The following DNAH17 variants were observed in gnomAD, a reference collection of about 807,000 sequenced individuals.
DNAH17 encodes axonemal beta dynein heavy chain 17.
Under a neutral mutation model 485.6 loss-of-function variants are expected in DNAH17, and 376 were observed. The observed-to-expected ratio is 0.77, with a 90% CI of 0.71 to 0.84. DNAH17 has a LOEUF of 0.84. Among genes scored for constraint, DNAH17 ranks in the 40% least tolerant of loss-of-function variants. The pLI is 0.00. For missense variants in DNAH17, 6,370 were observed against 5,839.3 expected, an observed-to-expected ratio of 1.09 and a Z score of -2.96; for synonymous variants, 3,031 against 2,405.9, an observed-to-expected ratio of 1.26 and a Z score of -7.60.
chr17:78,460,279 G>A (rs769105926), intron 58 of DNAH17, 22 bp from the exon 59 acceptor site: 3 of 1,566,944 alleles, frequency 1.9e-6, no homozygotes, highest in Admixed American at 3.7e-5. Context: ...ATGGACAGGA[G>A]AGGTTACTGC....
Position 78,539,848 on chromosome 17 carries a change from C to G in DNAH17, c.2565G>C (p.Leu855=), listed in dbSNP as rs2091473995. ...ENAELFRADT[L]SLPWKDYVIY... ...TGACATAATCCTTCCAGGGCAGGCT[C>G]AGTGTGTCTGCCCTGAATAGTTCTG... The change falls in exon 18 of 81, where the codon CTG becomes CTC. Residue 855 remains leucine, a synonymous_variant. Transcript: ENST00000389840. The G allele has an allele frequency of 6.2e-7, 1 of 1,609,912 alleles. No homozygotes were observed.
At chr17:78,534,427 G>T (rs1443065172) in intron 19 of DNAH17, among the ~76,000 whole-genome samples, 1 of 152,248 alleles carries the variant, frequency 6.6e-6, no homozygotes, top group East Asian at 1.9e-4. Context: ...TGGATGGAAA[G>T]AAGCCACAGG....
chr17:78,496,498 G>A (rs929608483), intron 37 of DNAH17, among the ~76,000 whole-genome samples: 1 of 151,892 alleles, frequency 6.6e-6, no homozygotes, highest in Non-Finnish European at 1.5e-5. Context: ...ACTGAGGCCA[G>A]CATTGCTGTC....
intron 41 of DNAH17, chr17:78,493,050 C>T (rs1291624829): frequency 1.2e-5 from 3 of 253,342 alleles, no homozygotes; most frequent in South Asian, 9.4e-5. Context: ...AGGGTTTCAC[C>T]ATGTTGGTCA....
chr17:78,515,840 G>A (rs1041370336), intron 25 of DNAH17, among the ~76,000 whole-genome samples: 1 of 152,260 alleles, frequency 6.6e-6, no homozygotes, highest in Non-Finnish European at 1.5e-5. Context: ...TCAGTACACA[G>A]AGATGTGTGG....
At chr17:78,507,131 C>A in intron 29 of DNAH17, 147 bp downstream of exon 29, 1 of 953,048 alleles carries the variant, frequency 1.0e-6, no homozygotes, top group East Asian at 2.6e-5. Flanking sequence ...GTGTGTGCTC[C>A]CCAGGGAAAG....
chr17:78,459,772 GC>G lies in DNAH17; in HGVS notation c.9653+11del. On this transcript the variant is annotated intron_variant, in intron 60 of 80. Coordinates refer to ENST00000389840, the MANE Select transcript of DNAH17 (RefSeq NM_173628.4). ...AGGGAAGCCCCGGCTACGAGGCCCA[GC>G]CCCGACTCACTTGAAGGCCTTCAGG... 1 of 1,613,770 alleles carries G rather than the reference GC, an allele frequency of 6.2e-7. No homozygotes were observed. The highest frequency in any genetic ancestry group is 1.1e-5 in the South Asian group (1 of 91,064).
At position 78,466,178 on chromosome 17, in the gene DNAH17, G is replaced by A. The variant is rs370791156; in HGVS notation, c.8940+477C>T. 2.0e-3 allele frequency among the ~76,000 whole-genome samples: 306 copies of A among 152,018 alleles called. 1 individual carries two copies. The highest frequency in any genetic ancestry group is 7.0e-3 in the African/African-American group (290 of 41,330). On this transcript the variant is annotated intron_variant, in intron 56 of 80. Coordinates refer to ENST00000389840, the MANE Select transcript of DNAH17 (RefSeq NM_173628.4). ...ACATGTGCTGTGTCCACTCAGGGTT[G>A]AATGGATTAAGGGCGGTGCAAGATG...
intron 27 of DNAH17, 52 bp from the exon 28 acceptor site, chr17:78,507,857 C>G: frequency 2.1e-6 from 3 of 1,449,812 alleles, no homozygotes; most frequent in Non-Finnish European, 2.8e-6. Flanking sequence ...ATGCAAAGCT[C>G]AGGCAGGACC....
Position 78,492,770 on chromosome 17 carries a change from C to A in DNAH17, c.6409-5G>T. The A allele has an allele frequency of 1.2e-6, 2 of 1,606,490 alleles. No homozygotes were observed. Among genetic ancestry groups the A allele is most frequent in the Middle Eastern group, 1.7e-4 (1 of 6,042 alleles). ...CTTGTTGAGGGATTTGAGGACCTGG[C>A]GAAGGTGGGGGTCACTCACGTGTGA... On this transcript the variant is annotated splice_polypyrimidine_tract_variant and splice_region_variant and intron_variant, in intron 41 of 80. Transcript: ENST00000389840.
Position 78,479,472 on chromosome 17 carries a change from C to CCA in DNAH17, c.7900+11_7900+12dup, listed in dbSNP as rs779526351. 25 of 1,603,120 alleles carry CCA rather than the reference C, an allele frequency of 1.6e-5. No individual in the cohort carries two copies. The South Asian group carries it at 2.8e-4, about 18-fold the overall frequency. On this transcript the variant is annotated intron_variant, in intron 50 of 80. Transcript: ENST00000389840. Reference sequence around the variant, plus strand: ...TTTACCGATGGGAGAGGGGATGAGGCCAGCCAGCTTACCCAGGGCCGCGGC... The same window carrying CCA: ...TTTACCGATGGGAGAGGGGATGAGGCCACAGCCAGCTTACCCAGGGCCGCGGC...
In DNAH17 at chr17:78,537,443, C is replaced by T. The variant is rs1018915388; in HGVS notation, c.2715G>A (p.Leu905=). Residue 905 remains leucine (L), a synonymous_variant, in exon 19 of 81, where the codon CTG becomes CTA. Coordinates refer to ENST00000389840, the MANE Select transcript of DNAH17 (RefSeq NM_173628.4). ...GGTTGAAGGTCAGCCCATCCTCGTC[C>T]AGCTCCATGCGGATCTCAAACAGGG... is the stretch of plus-strand genomic sequence containing the variant. ...IAPLFEIRME[L]DEDGLTFNPT... is the part of the protein sequence containing the mutation. 4 of 1,613,320 alleles carry T rather than the reference C, an allele frequency of 2.5e-6. No homozygotes were observed. The South Asian group carries it at 3.3e-5, about 13-fold the overall frequency.
chr17:78,536,606 G>A (rs1031924883), intron 19 of DNAH17, among the ~76,000 whole-genome samples: 6 of 151,100 alleles, frequency 4.0e-5, no homozygotes, highest in South Asian at 2.1e-4. Context: ...AATTGGGCCC[G>A]GGAGGCAGAG....
In DNAH17 at chr17:78,531,483, C is replaced by T. The variant is rs140081361; in HGVS notation, c.3115-971G>A. On this transcript the variant is annotated intron_variant, in intron 20 of 80. Transcript: ENST00000389840. The stretch of plus-strand genomic sequence containing the variant: ...CCTCCCGAGTAGCTGGAACTACAGG[C>T]GCCTGCCACCACGCCCAGCTAATTT... 5.6e-3 allele frequency among the ~76,000 whole-genome samples: 850 copies of T among 151,984 alleles called. 6 individuals carry two copies. The highest frequency in any genetic ancestry group is 0.018 in the African/African-American group (744 of 41,416).
At chr17:78,520,845 G>A (rs1241365403) in intron 25 of DNAH17, among the ~76,000 whole-genome samples, 2 of 151,988 alleles carry the variant, frequency 1.3e-5, no homozygotes, top group Non-Finnish European at 2.9e-5. Flanking sequence ...ACCCCAATAA[G>A]GTTTTATTTT....
chr17:78,446,603 T>A (rs926592983), intron 69 of DNAH17, among the ~76,000 whole-genome samples: 1 of 151,488 alleles, frequency 6.6e-6, no homozygotes, highest in Non-Finnish European at 1.5e-5. Context: ...CTGTTGTGAA[T>A]TGATTAGCTT....
chr17:78,426,236 C>T (rs2086452612), intron 79 of DNAH17, among the ~76,000 whole-genome samples: 1 of 108,584 alleles, frequency 9.2e-6, no homozygotes, highest in Admixed American at 8.5e-5. Context: ...ATGGAAGCTG[C>T]TCTGCGGCCT....
At chr17:78,572,015 G>A (rs912737429) in intron 3 of DNAH17, among the ~76,000 whole-genome samples, 1 of 152,168 alleles carries the variant, frequency 6.6e-6, no homozygotes, top group Non-Finnish European at 1.5e-5. Flanking sequence ...ACCAGGGCCT[G>A]GAGGCGCTCA....
At chr17:78,531,101 G>C (rs987442834) in intron 20 of DNAH17, among the ~76,000 whole-genome samples, 34 of 152,194 alleles carry the variant, frequency 2.2e-4, no homozygotes, top group Non-Finnish European at 1.0e-4. Context: ...TTTCTTTGCT[G>C]ATTTTCTGTC....
Sources: gnomAD v4.1 joint callset for allele counts (sites outside exome capture counted in the v4.1 genomes callset) on GRCh38, gnomAD v4.1.1 for gene constraint, MANE v1.5 for transcripts, NCBI Gene and HGNC (gene_info 2026-07-23, HGNC 2026-07-21) for gene names.